Variants in GRIK2 observed in about 807,000 individuals in gnomAD.
The protein encoded by GRIK2 is glutamate receptor ionotropic, kainate 2.
A neutral mutation model predicts 100.3 loss-of-function variants in GRIK2; 32 were observed. The observed-to-expected ratio is 0.32, with a 90% CI of 0.24 to 0.43. The LOEUF (loss-of-function observed/expected upper bound fraction) is 0.43. Ranked by LOEUF, GRIK2 falls within the 20% of genes least tolerant of loss-of-function variation. The pLI is 1.00. For missense variants in GRIK2, 843 were observed against 1,114.9 expected (o/e 0.76, Z 3.47); for synonymous variants, 417 against 389.4 (o/e 1.07, Z -0.83).
chr6:101,455,052 T>C (rs569182033), intron 2 of GRIK2, among the ~76,000 whole-genome samples: 72 of 152,216 alleles, frequency 4.7e-4, no homozygotes, highest in African/African-American at 1.6e-3. Context: ...ATCTTCTACA[T>C]TTTACCTACT....
chr6:101,566,519 A>G (rs1184258021), intron 2 of GRIK2, among the ~76,000 whole-genome samples: 4 of 151,860 alleles, frequency 2.6e-5, no homozygotes, highest in African/African-American at 9.7e-5. Flanking sequence ...AATTTTTAGT[A>G]TAACAATTTT....
intron 10 of GRIK2, among the ~76,000 whole-genome samples, chr6:101,840,938 A>G (rs886263792): frequency 6.6e-6 from 1 of 152,248 alleles, no homozygotes; most frequent in African/African-American, 2.4e-5. Context: ...ATTTCATGTT[A>G]TATGAAGAAT....
At chr6:102,024,602 G>A (rs1025489653) in intron 14 of GRIK2, among the ~76,000 whole-genome samples, 1 of 151,380 alleles carries the variant, frequency 6.6e-6, no homozygotes, top group East Asian at 2.0e-4. Flanking sequence ...GAGGAGTGTG[G>A]AATGTGTGAT....
intron 14 of GRIK2, among the ~76,000 whole-genome samples, chr6:101,968,704 T>G (rs1292082307): frequency 6.6e-6 from 1 of 152,028 alleles, no homozygotes; most frequent in Non-Finnish European, 1.5e-5. Context: ...CTTCTTGAAC[T>G]TGGTAAACAT....
At chr6:101,542,334 T>G (rs1244048463) in intron 2 of GRIK2, among the ~76,000 whole-genome samples, 1 of 152,072 alleles carries the variant, frequency 6.6e-6, no homozygotes, top group Admixed American at 6.6e-5. Context: ...AAAAACAAAT[T>G]GCATATATAT....
chr6:101,922,387 T>C (rs1348626410), intron 12 of GRIK2, among the ~76,000 whole-genome samples: 1 of 152,126 alleles, frequency 6.6e-6, no homozygotes, highest in African/African-American at 2.4e-5. Flanking sequence ...ACAGTCTCAC[T>C]ATCTTTAGCT....
chr6:101,995,022 T>C (rs1794576248), intron 14 of GRIK2, among the ~76,000 whole-genome samples: 2 of 151,946 alleles, frequency 1.3e-5, no homozygotes, highest in South Asian at 4.1e-4. Context: ...TACTGTGATA[T>C]AGATTCTTAT....
chr6:101,589,274 GCATTAAC>G lies in GRIK2; in HGVS notation c.116-32674_116-32668del, dbSNP rs1778530919. ...GGAGTGACTAAATCTAGCTAATTAT[GCATTAAC>G]TCACATAGTTATTACTTTTGTGGTG... On this transcript the variant is annotated intron_variant, in intron 2 of 16. Transcript: ENST00000369134. Among the ~76,000 whole-genome samples the G allele has an allele frequency of 5.9e-5, 9 of 152,220 alleles. No homozygotes were observed. In the South Asian group the frequency reaches 1.9e-3, roughly 32 times the overall value.
chr6:101,400,449 A>G (rs551156770), intron 2 of GRIK2, among the ~76,000 whole-genome samples: 2 of 152,316 alleles, frequency 1.3e-5, no homozygotes, highest in East Asian at 3.9e-4. Context: ...AGAGGAAGAA[A>G]GGAGAAAGCC....
intron 7 of GRIK2, chr6:101,744,552 A>ACACACACATATATATATATATACGTG (rs1776292385): frequency 8.2e-6 from 1 of 121,944 alleles, no homozygotes; most frequent in Non-Finnish European, 1.7e-5. Context: ...ATATATATAT[A>ACACACACATATATATATATATACGTG]TATATATCAC....
intron 2 of GRIK2, among the ~76,000 whole-genome samples, chr6:101,615,667 A>G (rs889996195): frequency 6.6e-6 from 1 of 151,814 alleles, no homozygotes; most frequent in Admixed American, 6.6e-5. Context: ...AAAAAGAATA[A>G]TTCTAGGAGA....
At chr6:101,768,351 C>T (rs1296269877) in intron 7 of GRIK2, among the ~76,000 whole-genome samples, 3 of 152,142 alleles carry the variant, frequency 2.0e-5, no homozygotes, top group Admixed American at 6.5e-5. Flanking sequence ...ACTACAATGT[C>T]CCAACTGGTG....
At chr6:101,773,132 C>G (rs1056045402) in intron 7 of GRIK2, among the ~76,000 whole-genome samples, 18 of 152,134 alleles carry the variant, frequency 1.2e-4, no homozygotes, top group African/African-American at 4.1e-4. Context: ...GGCAATAAAA[C>G]AATAATTAGT....
intron 7 of GRIK2, among the ~76,000 whole-genome samples, chr6:101,736,783 A>G (rs1775664569): frequency 6.6e-6 from 1 of 152,100 alleles, no homozygotes; most frequent in Non-Finnish European, 1.5e-5. Flanking sequence ...CTTGTTACTT[A>G]TTCAAATTTC....
intron 10 of GRIK2, among the ~76,000 whole-genome samples, chr6:101,830,090 T>A (rs1296641383): frequency 1.3e-5 from 2 of 151,952 alleles, no homozygotes; most frequent in East Asian, 1.9e-4. Flanking sequence ...CATAAACCAA[T>A]GTAACAGAAT....
intron 2 of GRIK2, among the ~76,000 whole-genome samples, chr6:101,531,495 G>A (rs1025300624): frequency 6.6e-6 from 1 of 151,884 alleles, no homozygotes; most frequent in Non-Finnish European, 1.5e-5. Context: ...GGTAGTTGAA[G>A]TCCTCAAAGG....
At chr6:101,857,084 T>A (rs970925422) in intron 10 of GRIK2, among the ~76,000 whole-genome samples, 1 of 151,942 alleles carries the variant, frequency 6.6e-6, no homozygotes, top group African/African-American at 2.4e-5. Flanking sequence ...GTGGAATGAG[T>A]CTCAGAGGAG....
intron 12 of GRIK2, among the ~76,000 whole-genome samples, chr6:101,916,028 A>C (rs553484697): frequency 2.6e-5 from 4 of 151,530 alleles, no homozygotes; most frequent in Non-Finnish European, 3.0e-5. Flanking sequence ...AAAAATAGCA[A>C]TATTCTATTC....
chr6:101,811,235 T>C (rs1346107931), intron 9 of GRIK2, among the ~76,000 whole-genome samples: 1 of 152,086 alleles, frequency 6.6e-6, no homozygotes, highest in Non-Finnish European at 1.5e-5. Context: ...TACAGTGTGG[T>C]TTCTCATTAT....
Sources: gnomAD v4.1 joint callset for allele counts (sites outside exome capture counted in the v4.1 genomes callset) on GRCh38, gnomAD v4.1.1 for gene constraint, MANE v1.5 for transcripts, NCBI Gene and HGNC (gene_info 2026-07-23, HGNC 2026-07-21) for gene names.